Variants in BCAS3 observed in about 807,000 individuals in gnomAD.
The protein encoded by BCAS3 is BCAS4/BCAS3 fusion.
BCAS3 carries 53 observed loss-of-function variants against 116.1 expected under a neutral mutation model. The ratio of observed to expected loss-of-function variants is 0.46; its 90% CI spans 0.37 to 0.57. The LOEUF (loss-of-function observed/expected upper bound fraction) is 0.57, where lower values mean the gene tolerates loss of function less well. Among genes scored for constraint, BCAS3 ranks in the 20% least tolerant of loss-of-function variants. BCAS3 has a pLI of 0.00. For missense variants in BCAS3, 917 were observed against 1,165.4 expected (o/e 0.79, Z 3.10); for synonymous variants, 391 against 408.2 (o/e 0.96, Z 0.51).
rs567175521 is a variant in BCAS3 at position 60,766,800 on chromosome 17, C to T, written c.403+19521C>T. Reference sequence around the variant, plus strand: ...TTTGTTCAGCTATGCTCTGTCCCCACAGGTGGAGTCTACAGAGGCAGGCGG... The same window carrying T: ...TTTGTTCAGCTATGCTCTGTCCCCATAGGTGGAGTCTACAGAGGCAGGCGG... On this transcript the variant is annotated intron_variant, in intron 6 of 23. Coordinates refer to ENST00000407086, the MANE Select transcript of BCAS3 (RefSeq NM_017679.5). 5.9e-5 allele frequency among the ~76,000 whole-genome samples: 9 copies of T among 152,360 alleles called. No individual in the cohort carries two copies. In the East Asian group the frequency reaches 1.7e-3, roughly 29 times the overall value.
chr17:60,807,619 T>TA (rs2048398307), intron 6 of BCAS3, among the ~76,000 whole-genome samples: 1 of 152,050 alleles, frequency 6.6e-6, no homozygotes, highest in Admixed American at 6.6e-5. Flanking sequence ...CTGTCTCTAC[T>TA]AAAAATACAA....
intron 10 of BCAS3, chr17:60,900,201 A>G (rs1465639768): frequency 2.0e-5 from 3 of 151,684 alleles, no homozygotes; most frequent in South Asian, 2.1e-4. Context: ...AAAAAAAAAA[A>G]GAAAGAAAGA....
intron 4 of BCAS3, among the ~76,000 whole-genome samples, chr17:60,693,160 G>A (rs1016376595): frequency 6.6e-6 from 1 of 151,944 alleles, no homozygotes; most frequent in Admixed American, 6.6e-5. Context: ...ACAGGCATGA[G>A]CCACTGACTT....
chr17:60,945,147 T>G (rs2060420068), intron 13 of BCAS3, among the ~76,000 whole-genome samples: 1 of 152,190 alleles, frequency 6.6e-6, no homozygotes, highest in South Asian at 2.1e-4. Context: ...CTCTATGCAC[T>G]AGCAAGCAAA....
intron 22 of BCAS3, among the ~76,000 whole-genome samples, chr17:61,120,697 A>C (rs945960131): frequency 2.6e-5 from 4 of 152,140 alleles, no homozygotes; most frequent in African/African-American, 7.2e-5. Context: ...ATTTTAGTAC[A>C]TATCTCTAAA....
chr17:61,284,068 G>A (rs1309938778), intron 22 of BCAS3, among the ~76,000 whole-genome samples: 1 of 152,186 alleles, frequency 6.6e-6, no homozygotes, highest in Non-Finnish European at 1.5e-5. Flanking sequence ...TCTAGCTAAA[G>A]GATTGTAAAT....
chr17:61,123,013 C>T (rs1318495372), intron 22 of BCAS3, among the ~76,000 whole-genome samples: 1 of 149,900 alleles, frequency 6.7e-6, no homozygotes, highest in Non-Finnish European at 1.5e-5. Context: ...GCGATCTTGG[C>T]TCACTGCAAC....
At position 60,868,615 on chromosome 17, in the gene BCAS3, T is replaced by C; in HGVS notation, c.516T>C (p.Leu172=). The change falls in exon 8 of 24, where the codon CTT becomes CTC. Residue 172 remains leucine (L), a synonymous_variant. Transcript: ENST00000407086. ...PPYCCVDLYS[L]RTGEMVKSIQ... The stretch of plus-strand genomic sequence containing the variant: ...ACTGTTGTGTGGATCTGTATTCACT[T>C]CGTACTGGGGAGATGGTCAAGTCCA... 2 of 1,602,756 alleles carry C rather than the reference T, an allele frequency of 1.2e-6. No homozygotes were observed. The highest frequency in any genetic ancestry group is 1.7e-6 in the Non-Finnish European group (2 of 1,175,888).
Position 61,392,636 on chromosome 17 carries a change from T to C in BCAS3, c.*511T>C, listed in dbSNP as rs1160239995. On this transcript the variant is annotated 3_prime_UTR_variant, in exon 24 of 24. Coordinates refer to ENST00000407086, the MANE Select transcript of BCAS3 (RefSeq NM_017679.5). This position sits in a 1 kb window ranked among gnomAD's most constrained non-coding sequence, Gnocchi z 6.4. ...CGGGGTGAACGGAGGCCCAGAGTACTAGGGAAGGAGGAAGGGAGGACATGC... is the reference window on the plus strand; with the variant it reads ...CGGGGTGAACGGAGGCCCAGAGTACCAGGGAAGGAGGAAGGGAGGACATGC... 1 of 154,522 alleles carries C rather than the reference T, an allele frequency of 6.5e-6. No individual in the cohort carries two copies. The highest frequency in any genetic ancestry group is 1.4e-5 in the Non-Finnish European group (1 of 69,828). The allele number at this position is 154,522 out of a possible 1,614,324, so 9.6% of individuals were successfully genotyped here.
chr17:61,070,506 T>A (rs1349424217), intron 19 of BCAS3: 1 of 174,656 alleles, frequency 5.7e-6, no homozygotes. Flanking sequence ...GTTCTATTTG[T>A]GTAATTTCAG....
At chr17:60,832,952 C>T (rs753550018) in intron 7 of BCAS3, among the ~76,000 whole-genome samples, 1 of 152,146 alleles carries the variant, frequency 6.6e-6, no homozygotes, top group African/African-American at 2.4e-5. Context: ...CTAAAAGCAC[C>T]TGCTTTTCAA....
Position 61,391,392 on chromosome 17 carries a change from A to C in BCAS3, c.2594-585A>C, listed in dbSNP as rs2060122393. 6.6e-6 allele frequency: 1 copy of C among 152,668 alleles called. No individual in the cohort carries two copies. The highest frequency in any genetic ancestry group is 2.4e-5 in the African/African-American group (1 of 41,454). 9.5% of individuals were successfully genotyped at this position (152,668 alleles called of 1,614,324 possible). A position where few individuals can be genotyped will look rare whatever the true frequency, so the allele number is the denominator to read the frequency against. The stretch of plus-strand genomic sequence containing the variant: ...AGGCATCCCCTCCCAGGGAAACAGG[A>C]CACTTGGCAGGAGGTGCCAAAGATG... On this transcript the variant is annotated intron_variant, in intron 23 of 23. Coordinates refer to ENST00000407086, the MANE Select transcript of BCAS3 (RefSeq NM_017679.5). This position sits in a 1 kb window ranked among gnomAD's most constrained non-coding sequence, Gnocchi z 7.7.
chr17:60,800,336 C>A (rs1332920540), intron 6 of BCAS3, among the ~76,000 whole-genome samples: 1 of 152,144 alleles, frequency 6.6e-6, no homozygotes, highest in Non-Finnish European at 1.5e-5. Context: ...TCTCACTGTG[C>A]TCTTAATTTA....
chr17:60,720,837 C>T (rs1363017037), intron 5 of BCAS3, among the ~76,000 whole-genome samples: 3 of 152,130 alleles, frequency 2.0e-5, no homozygotes, highest in Non-Finnish European at 4.4e-5. Context: ...CTGGAACCAA[C>T]CCCATGTGAA....
chr17:61,160,393 C>T (rs1046359663), intron 22 of BCAS3, among the ~76,000 whole-genome samples: 35 of 152,008 alleles, frequency 2.3e-4, no homozygotes, highest in African/African-American at 6.5e-4. Context: ...GGTTAATATA[C>T]GGAATTTCCG....
rs1480491325 is a variant in BCAS3, at chr17:60,852,734, ATT to A, written c.477-15841_477-15840del. Among the ~76,000 whole-genome samples, 6 of 152,344 alleles carry A rather than the reference ATT, an allele frequency of 3.9e-5. No homozygotes were observed. In the East Asian group the frequency reaches 1.2e-3, roughly 29 times the overall value. Reference sequence around the variant, plus strand: ...AATGTATGTGATTGGGGAATTGCAAATTAAAAATAACAATTGGATACCACAGT... The same window carrying A: ...AATGTATGTGATTGGGGAATTGCAAAAAAAATAACAATTGGATACCACAGT... On this transcript the variant is annotated intron_variant, in intron 7 of 23. Transcript: ENST00000407086.
Position 61,352,560 on chromosome 17 carries a change from T to C in BCAS3, c.2426-15767T>C, listed in dbSNP as rs2057910572. Among the ~76,000 whole-genome samples, 1 of 152,062 alleles carries C rather than the reference T, an allele frequency of 6.6e-6. No individual in the cohort carries two copies. On this transcript the variant is annotated intron_variant, in intron 22 of 23. Transcript: ENST00000407086. The surrounding 1 kb of genome is among the most constrained non-coding windows in gnomAD (Gnocchi z 4.7). ...TAGAAGTGGAGGGAAGGAGGGGTGA[T>C]GCTGACCCCACACTCGAGCCACAGC... is the stretch of plus-strand genomic sequence containing the variant.
In BCAS3 at chr17:61,198,958, A is replaced by G. The variant is rs1454704758; in HGVS notation, c.2425+114394A>G. ...CCTTGATGATGAATGCCTTTAATATATGTTTACAAGCTCCAAAACTTTTAA... is the reference window on the plus strand; with the variant it reads ...CCTTGATGATGAATGCCTTTAATATGTGTTTACAAGCTCCAAAACTTTTAA... On this transcript the variant is annotated intron_variant, in intron 22 of 23. Coordinates refer to ENST00000407086, the MANE Select transcript of BCAS3 (RefSeq NM_017679.5). This position sits in a 1 kb window ranked among gnomAD's most constrained non-coding sequence, Gnocchi z 5.0. Among the ~76,000 whole-genome samples, 1 of 152,180 alleles carries G rather than the reference A, an allele frequency of 6.6e-6. No individual in the cohort carries two copies. Among genetic ancestry groups the G allele is most frequent in the Admixed American group, 6.5e-5 (1 of 15,270 alleles).
chr17:61,286,515 T>G lies in BCAS3; in HGVS notation c.2426-81812T>G, dbSNP rs1602421477. Among the ~76,000 whole-genome samples the G allele has an allele frequency of 6.6e-6, 1 of 152,280 alleles. No homozygotes were observed. The highest frequency in any genetic ancestry group is 1.9e-4 in the East Asian group (1 of 5,178). On this transcript the variant is annotated intron_variant, in intron 22 of 23. Coordinates refer to ENST00000407086, the MANE Select transcript of BCAS3 (RefSeq NM_017679.5). This position sits in a 1 kb window ranked among gnomAD's most constrained non-coding sequence, Gnocchi z 4.8. ...CCTAGAAGGGTTTCTCCAGATTTTC[T>G]CACGTTAGCATGCTGCTGCTTGGTG...
Sources: gnomAD v4.1 joint callset for allele counts (sites outside exome capture counted in the v4.1 genomes callset) on GRCh38, gnomAD v4.1.1 for gene constraint, Gnocchi (gnomAD v3.1) non-coding constraint, MANE v1.5 for transcripts, NCBI Gene and HGNC (gene_info 2026-07-23, HGNC 2026-07-21) for gene names.